Variants in FNDC1 observed in about 807,000 individuals in gnomAD.
The protein encoded by FNDC1 is fibronectin type III domain containing 1, also known as fibronectin type III domain-containing protein 1.
FNDC1 carries 96 observed loss-of-function variants against 168.0 expected under a neutral mutation model. The observed-to-expected ratio is 0.57, with a 90% CI of 0.48 to 0.68. The LOEUF (loss-of-function observed/expected upper bound fraction) is 0.68. Ranked by LOEUF, FNDC1 falls within the 30% of genes least tolerant of loss-of-function variation. The pLI is 0.00. For missense variants in FNDC1, 2,587 were observed against 2,482.1 expected, an observed-to-expected ratio of 1.04 and a Z score of -0.90; for synonymous variants, 1,099 against 1,025.9, an observed-to-expected ratio of 1.07 and a Z score of -1.36.
intron 11 of FNDC1, among the ~76,000 whole-genome samples, chr6:159,235,476 A>G (rs2114995962): frequency 6.6e-6 from 1 of 152,322 alleles, no homozygotes. Flanking sequence ...GTTCCCTTGT[A>G]TATAGCAGGA....
At position 159,169,670 on chromosome 6, in the gene FNDC1, C is replaced by T. The variant is rs1781607234; in HGVS notation, c.74C>T (p.Ala25Val). ...TGGGCGGCGCTGCTGCTCTTGGCCGCGCTGCTCCCCGTCGCCTCCTCGGCG... is the reference window on the plus strand; with the variant it reads ...TGGGCGGCGCTGCTGCTCTTGGCCGTGCTGCTCCCCGTCGCCTCCTCGGCG... ...LSWAALLLLA[A>V]LLPVASSAAA... The change falls in exon 1 of 23, where the codon GCG becomes GTG. Residue 25 changes from alanine (A) to valine (V), a missense_variant. Coordinates refer to ENST00000297267, the MANE Select transcript of FNDC1 (RefSeq NM_032532.3). The surrounding 1 kb of genome is among the most constrained non-coding windows in gnomAD (Gnocchi z 6.8). 3 of 1,164,236 alleles carry T rather than the reference C, an allele frequency of 2.6e-6. No homozygotes were observed. The highest frequency in any genetic ancestry group is 3.2e-6 in the Non-Finnish European group (3 of 945,262). 72.1% of individuals were successfully genotyped at this position (1,164,236 alleles called of 1,614,324 possible). A position where few individuals can be genotyped will look rare whatever the true frequency, so the allele number is the denominator to read the frequency against.
At chr6:159,183,286 G>T (rs1781920980) in intron 1 of FNDC1, among the ~76,000 whole-genome samples, 1 of 152,164 alleles carries the variant, frequency 6.6e-6, no homozygotes, top group Non-Finnish European at 1.5e-5. Context: ...GAGAAAAATG[G>T]GTTCTTTTCA....
At chr6:159,257,064 T>C (rs1777389533) in intron 18 of FNDC1, among the ~76,000 whole-genome samples, 2 of 152,208 alleles carry the variant, frequency 1.3e-5, no homozygotes, top group Admixed American at 1.3e-4. Context: ...AAAGATGCAT[T>C]TTACACATTT....
intron 18 of FNDC1, among the ~76,000 whole-genome samples, chr6:159,259,037 C>T (rs1043654820): frequency 6.6e-5 from 10 of 152,184 alleles, no homozygotes; most frequent in East Asian, 3.9e-4. Flanking sequence ...AAGAACTCTT[C>T]GGAGTCTGCA....
chr6:159,264,139 T>G (rs562348348), intron 19 of FNDC1, among the ~76,000 whole-genome samples: 62 of 152,334 alleles, frequency 4.1e-4, no homozygotes, highest in African/African-American at 1.3e-3. Flanking sequence ...TATTTTGAGT[T>G]GTGCTTATAC....
chr6:159,261,044 T>G, intron 18 of FNDC1, 146 bp from the exon 19 acceptor site: 2 of 600,468 alleles, frequency 3.3e-6, no homozygotes, highest in Non-Finnish European at 2.9e-6. Flanking sequence ...GAAAAAGACA[T>G]GAAGAATCAC....
chr6:159,200,684 A>T (rs758770685), intron 4 of FNDC1, 103 bp downstream of exon 4: 7 of 867,508 alleles, frequency 8.1e-6, no homozygotes, highest in Non-Finnish European at 1.3e-5. Context: ...ACCTTCACTG[A>T]GTTCCCATCG....
rs1308065028 is a variant in FNDC1 at position 159,225,678 on chromosome 6, A to G, written c.1028A>G (p.Asp343Gly). The G allele has an allele frequency of 6.8e-6, 11 of 1,613,664 alleles. No individual in the cohort carries two copies. The highest frequency in any genetic ancestry group is 5.3e-5 in the African/African-American group (4 of 74,928). ...FAVRISQGER[D>G]GKWSTSVFQR... is the part of the protein sequence containing the mutation. Reference sequence around the variant, plus strand: ...GTCCGTATTTCACAGGGTGAAAGAGATGGCAAATGGAGTACGTCAGTCTTC... The same window carrying G: ...GTCCGTATTTCACAGGGTGAAAGAGGTGGCAAATGGAGTACGTCAGTCTTC... Residue 343 changes from aspartate (D) to glycine (G), a missense_variant, in exon 8 of 23, where the codon GAT becomes GGT. By Grantham distance (94) the Asp-to-Gly change is moderately conservative. Coordinates refer to ENST00000297267, the MANE Select transcript of FNDC1 (RefSeq NM_032532.3).
chr6:159,169,933 T>C lies in FNDC1; in HGVS notation c.109+228T>C, dbSNP rs1491431. The C allele has an allele frequency of 1.2e-3, 264 of 219,204 alleles. 1 individual carries two copies. The highest frequency in any genetic ancestry group is 5.6e-3 in the African/African-American group (242 of 43,292). 13.6% of individuals were successfully genotyped at this position (219,204 alleles called of 1,614,324 possible). ...GCGTTTAACTTTGCCGTCGCCCGCCTTGGAGTCGGGAGGCTCCAGCCGTCT... is the reference window on the plus strand; with the variant it reads ...GCGTTTAACTTTGCCGTCGCCCGCCCTGGAGTCGGGAGGCTCCAGCCGTCT... On this transcript the variant is annotated intron_variant, in intron 1 of 22. Transcript: ENST00000297267. This position sits in a 1 kb window ranked among gnomAD's most constrained non-coding sequence, Gnocchi z 6.8.
At chr6:159,249,566 T>C (rs1777214534) in intron 16 of FNDC1, among the ~76,000 whole-genome samples, 1 of 152,236 alleles carries the variant, frequency 6.6e-6, no homozygotes, top group African/African-American at 2.4e-5. Context: ...TCCTAAAAGG[T>C]TAGCCGCTTA....
At chr6:159,269,369 C>T (rs1284539816) in intron 22 of FNDC1, among the ~76,000 whole-genome samples, 1 of 71,528 alleles carries the variant, frequency 1.4e-5, no homozygotes. Flanking sequence ...AGGTATCCAT[C>T]CATCTGCCCA....
chr6:159,171,602 A>C (rs915065730), intron 1 of FNDC1, among the ~76,000 whole-genome samples: 1 of 152,222 alleles, frequency 6.6e-6, no homozygotes, highest in Non-Finnish European at 1.5e-5. Context: ...AAAGCAGGAC[A>C]CACTGAAGAT....
intron 13 of FNDC1, 47 bp downstream of exon 13, chr6:159,238,712 A>G: frequency 2.4e-6 from 3 of 1,239,744 alleles, no homozygotes; most frequent in Non-Finnish European, 3.4e-6. Flanking sequence ...TGAATTAGCC[A>G]TAGAATTACA....
chr6:159,239,092 A>G (rs1376248858), intron 13 of FNDC1, among the ~76,000 whole-genome samples: 1 of 152,248 alleles, frequency 6.6e-6, no homozygotes, highest in East Asian at 1.9e-4. Context: ...TTACTGGAAC[A>G]CAATACACTC....
At chr6:159,266,699 G>A (rs1394562233) in intron 21 of FNDC1, among the ~76,000 whole-genome samples, 1 of 92,486 alleles carries the variant, frequency 1.1e-5, no homozygotes. Flanking sequence ...TTTTTTTTTT[G>A]CCACTAATAC....
rs547475053 is a variant in FNDC1 at position 159,259,605 on chromosome 6, G to C, written c.5175-1585G>C. ...TGTTTTAATTTCCTTTTCAAAAAAAGTATCTGTAAAGTTTGCCCAGGACTG... is the reference window on the plus strand; with the variant it reads ...TGTTTTAATTTCCTTTTCAAAAAAACTATCTGTAAAGTTTGCCCAGGACTG... On this transcript the variant is annotated intron_variant, in intron 18 of 22. Coordinates refer to ENST00000297267, the MANE Select transcript of FNDC1 (RefSeq NM_032532.3). Among the ~76,000 whole-genome samples the C allele has an allele frequency of 2.6e-5, 4 of 152,208 alleles. No homozygotes were observed. The East Asian group carries it at 7.7e-4, about 29-fold the overall frequency.
chr6:159,258,606 C>T (rs972825625), intron 18 of FNDC1, among the ~76,000 whole-genome samples: 1 of 152,216 alleles, frequency 6.6e-6, no homozygotes, highest in African/African-American at 2.4e-5. Context: ...TGGCCCCACA[C>T]ACGCTCAGTG....
Position 159,261,203 on chromosome 6 carries a change from G to C in FNDC1, c.5188G>C (p.Val1730Leu), listed in dbSNP as rs776379969. The change falls in exon 19 of 23, where the codon GTG becomes CTG. Residue 1730 changes from valine to leucine, a missense_variant. By Grantham distance (32) the Val-to-Leu change is conservative. Transcript: ENST00000297267. ...LKPNTRYYFK[V>L]QAQNPHGYGP... The stretch of plus-strand genomic sequence containing the variant: ...TTCCAACTTCAGGTATTATTTTAAA[G>C]TGCAAGCACAAAATCCTCATGGCTA... The C allele has an allele frequency of 4.9e-5, 79 of 1,611,952 alleles. No individual in the cohort carries two copies. Among genetic ancestry groups the C allele is most frequent in the African/African-American group, 1.3e-5 (1 of 74,838 alleles).
At chr6:159,189,784 T>G (rs1243378235) in intron 1 of FNDC1, among the ~76,000 whole-genome samples, 2 of 152,258 alleles carry the variant, frequency 1.3e-5, no homozygotes, top group African/African-American at 4.8e-5. Flanking sequence ...GACTTTAAAT[T>G]TCCCCTGGGA....
Sources: gnomAD v4.1 joint callset for allele counts (sites outside exome capture counted in the v4.1 genomes callset) on GRCh38, gnomAD v4.1.1 for gene constraint, Gnocchi (gnomAD v3.1) non-coding constraint, MANE v1.5 for transcripts, NCBI Gene and HGNC (gene_info 2026-07-23, HGNC 2026-07-21) for gene names.